PAPPA: variants seen among roughly 807,000 people sequenced by gnomAD.
PAPPA encodes the protein pappalysin-1.
A neutral mutation model predicts 164.0 loss-of-function variants in PAPPA; 60 were observed. The ratio of observed to expected loss-of-function variants is 0.37; its 90% CI spans 0.30 to 0.45. PAPPA has a LOEUF of 0.45. PAPPA is among the 20% of genes least tolerant of loss of function. The probability of loss-of-function intolerance (pLI) is 1.00; values close to 1 mark genes in which losing one functional copy is unlikely to be tolerated. For missense variants in PAPPA, 1,782 were observed against 2,087.3 expected (o/e 0.85, Z 2.85); for synonymous variants, 875 against 814.1 (o/e 1.07, Z -1.27).
chr9:116,245,529 T>A (rs959495631), intron 7 of PAPPA, among the ~76,000 whole-genome samples: 1 of 152,112 alleles, frequency 6.6e-6, no homozygotes, highest in African/African-American at 2.4e-5. Context: ...GAAAAGTGAA[T>A]GAATTGGAGG....
chr9:116,358,731 C>T (rs973303475), intron 17 of PAPPA, among the ~76,000 whole-genome samples: 1 of 152,202 alleles, frequency 6.6e-6, no homozygotes, highest in Non-Finnish European at 1.5e-5. Context: ...CCTTCCTCTT[C>T]TCTTCTTTCC....
chr9:116,169,563 G>A (rs764403121), intron 1 of PAPPA, among the ~76,000 whole-genome samples: 4 of 151,262 alleles, frequency 2.6e-5, no homozygotes, highest in Non-Finnish European at 4.4e-5. Flanking sequence ...CAGGTGATCC[G>A]CCCACCTTGG....
At chr9:116,185,637 A>G (rs1280663176) in intron 1 of PAPPA, among the ~76,000 whole-genome samples, 1 of 152,086 alleles carries the variant, frequency 6.6e-6, no homozygotes, top group Non-Finnish European at 1.5e-5. Flanking sequence ...TGACACTTAA[A>G]ATACACTCTT....
intron 19 of PAPPA, among the ~76,000 whole-genome samples, chr9:116,374,592 T>C (rs1846625397): frequency 6.6e-6 from 1 of 152,218 alleles, no homozygotes; most frequent in Non-Finnish European, 1.5e-5. Flanking sequence ...AAGTCCTTTT[T>C]CCAAACTCAC....
At chr9:116,373,999 C>CTGA (rs1564246494) in intron 19 of PAPPA, among the ~76,000 whole-genome samples, 1 of 151,360 alleles carries the variant, frequency 6.6e-6, no homozygotes, top group African/African-American at 2.4e-5. Context: ...GAATTTTGTG[C>CTGA]CGATGAGGAT....
At position 116,264,117 on chromosome 9, in the gene PAPPA, T is replaced by C. The variant is rs1845036338; in HGVS notation, c.2733-1740T>C. 2.0e-5 allele frequency among the ~76,000 whole-genome samples: 3 copies of C among 152,174 alleles called. No homozygotes were observed. In the South Asian group the frequency reaches 6.2e-4, roughly 31 times the overall value. ...AATACAAGGCATGTCATATTTATCA[T>C]GTAACTTTGTGTATCCCCTGGGATT... On this transcript the variant is annotated intron_variant, in intron 7 of 21. Transcript: ENST00000328252.
At chr9:116,298,561 C>T (rs1845538856) in intron 9 of PAPPA, among the ~76,000 whole-genome samples, 1 of 152,188 alleles carries the variant, frequency 6.6e-6, no homozygotes, top group Non-Finnish European at 1.5e-5. Flanking sequence ...ACCTGGCTTA[C>T]AGCTCCATTT....
intron 1 of PAPPA, among the ~76,000 whole-genome samples, chr9:116,160,175 T>C (rs1587933530): frequency 6.6e-6 from 1 of 152,200 alleles, no homozygotes; most frequent in South Asian, 2.1e-4. Context: ...GGGTAAACGA[T>C]GTTCCCTGCT....
At chr9:116,209,831 T>C (rs989315445) in intron 3 of PAPPA, among the ~76,000 whole-genome samples, 10 of 152,148 alleles carry the variant, frequency 6.6e-5, no homozygotes, top group African/African-American at 2.4e-4. Context: ...ATTTTAGAGC[T>C]CACCAGAGAT....
chr9:116,210,755 G>C (rs1357959655), intron 3 of PAPPA, among the ~76,000 whole-genome samples: 3 of 152,024 alleles, frequency 2.0e-5, no homozygotes, highest in Admixed American at 6.6e-5. Context: ...GTCATTCAAG[G>C]CTCATTTTAA....
intron 1 of PAPPA, among the ~76,000 whole-genome samples, chr9:116,160,225 G>A (rs1843651300): frequency 1.3e-5 from 2 of 152,126 alleles, no homozygotes; most frequent in Non-Finnish European, 2.9e-5. Flanking sequence ...GGGAAGTTCC[G>A]GTGCCCCAGC....
chr9:116,214,614 G>A (rs1844348926), intron 4 of PAPPA, among the ~76,000 whole-genome samples: 1 of 152,166 alleles, frequency 6.6e-6, no homozygotes, highest in African/African-American at 2.4e-5. Flanking sequence ...CAGTAGGCAG[G>A]CTGGACAGAG....
At chr9:116,341,849 T>G (rs1257933411) in intron 13 of PAPPA, among the ~76,000 whole-genome samples, 2 of 152,244 alleles carry the variant, frequency 1.3e-5, no homozygotes, top group Non-Finnish European at 1.5e-5. Flanking sequence ...ATAAAGAAAC[T>G]GAACCTCAGG....
intron 15 of PAPPA, among the ~76,000 whole-genome samples, chr9:116,349,484 G>A (rs957815900): frequency 6.6e-6 from 1 of 152,126 alleles, no homozygotes; most frequent in African/African-American, 2.4e-5. Context: ...AACACCATGA[G>A]GCAAGTGCTT....
At chr9:116,287,618 G>A (rs1395347104) in intron 9 of PAPPA, 1 of 152,206 alleles carries the variant, frequency 6.6e-6, no homozygotes, top group African/African-American at 2.4e-5. Flanking sequence ...GAATAACTCA[G>A]TATCTTCTAG....
At chr9:116,285,419 G>A (rs774222067) in intron 9 of PAPPA, among the ~76,000 whole-genome samples, 1 of 151,664 alleles carries the variant, frequency 6.6e-6, no homozygotes, top group African/African-American at 2.4e-5. Flanking sequence ...TGCCCACCTC[G>A]GCCAGGATTT....
At chr9:116,214,907 A>G (rs922245383) in intron 4 of PAPPA, among the ~76,000 whole-genome samples, 15 of 152,212 alleles carry the variant, frequency 9.9e-5, no homozygotes, top group African/African-American at 4.8e-5. Context: ...AAATAAGTCA[A>G]TTGGTATGCT....
intron 17 of PAPPA, among the ~76,000 whole-genome samples, chr9:116,356,249 C>T (rs142403461): frequency 1.3e-5 from 2 of 152,200 alleles, no homozygotes; most frequent in South Asian, 2.1e-4. Flanking sequence ...TTACTTAACT[C>T]GTTAAGCTTC....
rs1251915639 is a variant in PAPPA, at chr9:116,154,956, A to G, written c.415+369A>G. On this transcript the variant is annotated intron_variant, in intron 1 of 21. Coordinates refer to ENST00000328252, the MANE Select transcript of PAPPA (RefSeq NM_002581.5). The surrounding 1 kb of genome is among the most constrained non-coding windows in gnomAD (Gnocchi z 5.2). ...AGGGAGGATGACCCAATTGAGATGC[A>G]TGTGAAAGGAGACTTGGGGACCGTT... Among the ~76,000 whole-genome samples the G allele has an allele frequency of 6.6e-6, 1 of 152,228 alleles. No homozygotes were observed. The highest frequency in any genetic ancestry group is 1.5e-5 in the Non-Finnish European group (1 of 68,040).
Sources: allele counts gnomAD v4.1 joint callset (sites outside exome capture counted in the v4.1 genomes callset), GRCh38; gene constraint gnomAD v4.1.1; non-coding constraint Gnocchi (gnomAD v3.1); transcripts MANE v1.5; gene names NCBI Gene and HGNC (gene_info 2026-07-23, HGNC 2026-07-21).